SAMD5: variants seen among roughly 807,000 people sequenced by gnomAD.
SAMD5 encodes sterile alpha motif domain-containing protein 5.
In SAMD5, 13 loss-of-function variants were observed where a neutral mutation model predicts 11.3. The observed-to-expected ratio is 1.15, with a 90% confidence interval of 0.75 to 1.83. The LOEUF is 1.83. SAMD5 is among the 40% of genes most tolerant of loss of function. The pLI, the probability that SAMD5 is intolerant of heterozygous loss-of-function variation, is 0.00. For synonymous variants in SAMD5, 129 were observed against 111.3 expected (o/e 1.16, Z -1.00); for missense variants, 255 against 239.1 (o/e 1.07, Z -0.44).
intron 1 of SAMD5, among the ~76,000 whole-genome samples, chr6:147,725,720 A>G (rs1162468865): frequency 2.0e-5 from 3 of 152,108 alleles, no homozygotes; most frequent in African/African-American, 7.3e-5. Context: ...ACTTTATAGA[A>G]TATTGAAGTG....
chr6:147,629,680 CA>C (rs982566650), intron 1 of SAMD5, among the ~76,000 whole-genome samples: 33 of 152,272 alleles, frequency 2.2e-4, no homozygotes, highest in African/African-American at 7.9e-4. Context: ...AATTCTGAAA[CA>C]TTTACTCTGT....
chr6:147,640,387 C>G (rs1790292137), intron 1 of SAMD5, among the ~76,000 whole-genome samples: 1 of 147,298 alleles, frequency 6.8e-6, no homozygotes. Flanking sequence ...ATCCCAGCTA[C>G]TCCGGAGGCT....
At chr6:147,899,170 CAA>C in the SAMD5 span, among the ~76,000 whole-genome samples, 14,247 of 61,680 alleles carry the variant, frequency 0.23, 462 homozygotes, top group Non-Finnish European at 0.29. Context: ...GACTCTGTCT[CAA>C]AAAAAAAAAA....
At chr6:147,943,375 A>G in the SAMD5 span, among the ~76,000 whole-genome samples, 116,888 of 151,480 alleles carry the variant, frequency 0.77, 45,626 homozygotes, top group Non-Finnish European at 0.84. Flanking sequence ...TCTAAGCTTC[A>G]ACCTTGCACA....
chr6:147,722,241 A>T (rs1039418771), intron 1 of SAMD5, among the ~76,000 whole-genome samples: 2 of 152,188 alleles, frequency 1.3e-5, no homozygotes, highest in Admixed American at 6.5e-5. Flanking sequence ...TGCAAGAGGT[A>T]AGTGGGGTCA....
At chr6:147,557,643 TA>T (rs1362485452) in intron 1 of SAMD5, among the ~76,000 whole-genome samples, 20 of 152,344 alleles carry the variant, frequency 1.3e-4, no homozygotes, top group Admixed American at 1.0e-3. Flanking sequence ...AAATCCAGGA[TA>T]ATTTCATCTT....
intron 1 of SAMD5, among the ~76,000 whole-genome samples, chr6:147,736,583 G>A (rs146838193): frequency 5.9e-4 from 90 of 152,278 alleles, no homozygotes; most frequent in Non-Finnish European, 1.2e-3. Context: ...GGAAGCAAGA[G>A]ATTACTATAT....
At chr6:147,733,867 A>G (rs1791754767) in intron 1 of SAMD5, 2 of 306,744 alleles carry the variant, frequency 6.5e-6, no homozygotes, top group South Asian at 2.6e-4. Flanking sequence ...CTGCAGCTGG[A>G]AAAGCGCCAT....
chr6:147,535,452 A>G (rs752923861), intron 1 of SAMD5, among the ~76,000 whole-genome samples: 2 of 152,254 alleles, frequency 1.3e-5, no homozygotes, highest in Non-Finnish European at 2.9e-5. Context: ...AATTTAGTTT[A>G]AACTGCAGAA....
At chr6:147,634,746 C>T (rs745953261) in intron 1 of SAMD5, among the ~76,000 whole-genome samples, 7 of 152,044 alleles carry the variant, frequency 4.6e-5, no homozygotes, top group African/African-American at 9.7e-5. Flanking sequence ...AATAGACATT[C>T]GATACTGTTG....
intron 1 of SAMD5, among the ~76,000 whole-genome samples, chr6:147,638,639 G>A (rs1033258833): frequency 4.6e-5 from 7 of 152,144 alleles, no homozygotes; most frequent in Non-Finnish European, 8.8e-5. Context: ...CTGTGTGTGC[G>A]TGGCCAGTGG....
rs993063115 is a variant in SAMD5, at chr6:147,581,718, T to C, written c.162+72331T>C. Among the ~76,000 whole-genome samples, 5 of 152,234 alleles carry C rather than the reference T, an allele frequency of 3.3e-5. No individual in the cohort carries two copies. The South Asian group carries it at 8.3e-4, about 25-fold the overall frequency. ...AAATCAGAGACCTCAGTGAGAACGG[T>C]GTCAGAACAGGTGACAAGGGTTCGA... On this transcript the variant is annotated intron_variant, in intron 1 of 1. Transcript: ENST00000566741.
chr6:147,563,283 C>G (rs975732725), intron 1 of SAMD5, among the ~76,000 whole-genome samples: 1 of 152,090 alleles, frequency 6.6e-6, no homozygotes, highest in Non-Finnish European at 1.5e-5. Context: ...ATTGCTGTAC[C>G]TTAGAGAAAT....
At chr6:147,683,011 T>C (rs1790961145) in intron 1 of SAMD5, among the ~76,000 whole-genome samples, 1 of 152,210 alleles carries the variant, frequency 6.6e-6, no homozygotes, top group African/African-American at 2.4e-5. Flanking sequence ...AGTAACCGTG[T>C]CGTTTTCTCT....
the SAMD5 span, among the ~76,000 whole-genome samples, chr6:147,839,685 G>T: frequency 6.6e-6 from 1 of 152,220 alleles, no homozygotes; most frequent in Non-Finnish European, 1.5e-5. Context: ...GGGAGGCAGA[G>T]GTTGCAGTGA....
At chr6:147,722,004 A>G (rs1791558841) in intron 1 of SAMD5, among the ~76,000 whole-genome samples, 1 of 152,250 alleles carries the variant, frequency 6.6e-6, no homozygotes, top group Non-Finnish European at 1.5e-5. Flanking sequence ...ACTTTTTAAT[A>G]AAAGAAAGAA....
intron 1 of SAMD5, among the ~76,000 whole-genome samples, chr6:147,731,151 C>T (rs1454219984): frequency 6.6e-6 from 1 of 152,102 alleles, no homozygotes; most frequent in Non-Finnish European, 1.5e-5. Flanking sequence ...ATTTGTTCTC[C>T]ATCACACAGC....
intron 1 of SAMD5, among the ~76,000 whole-genome samples, chr6:147,714,092 C>G (rs991886562): frequency 6.6e-6 from 1 of 152,088 alleles, no homozygotes; most frequent in East Asian, 1.9e-4. Context: ...TAATGGGCAC[C>G]TTCGCCCACT....
chr6:147,649,383 C>T (rs925533664), intron 1 of SAMD5, among the ~76,000 whole-genome samples: 36 of 151,988 alleles, frequency 2.4e-4, no homozygotes, highest in African/African-American at 8.7e-4. Flanking sequence ...AAGATAAAAC[C>T]AAATATTCTA....
Sources: allele counts gnomAD v4.1 joint callset (sites outside exome capture counted in the v4.1 genomes callset), GRCh38; gene constraint gnomAD v4.1.1; transcripts MANE v1.5; gene names NCBI Gene and HGNC (gene_info 2026-07-23, HGNC 2026-07-21).